Variants in ZBTB20 observed in about 807,000 individuals in gnomAD.
ZBTB20 encodes the protein zinc finger and BTB domain-containing protein 20.
Under a neutral mutation model 56.9 loss-of-function variants are expected in ZBTB20, and 9 were observed. The ratio of observed to expected loss-of-function variants is 0.16; its 90% confidence interval spans 0.10 to 0.28. ZBTB20 has a LOEUF of 0.28. ZBTB20 is among the 10% of genes least tolerant of loss of function. The pLI is 1.00. For synonymous variants in ZBTB20, 417 were observed against 420.7 expected, an observed-to-expected ratio of 0.99 and a Z score of 0.11; for missense variants, 655 against 1,003.0, an observed-to-expected ratio of 0.65 and a Z score of 4.69.
At chr3:114,939,704 T>C (rs1447715748) in intron 3 of ZBTB20, among the ~76,000 whole-genome samples, 1 of 146,114 alleles carries the variant, frequency 6.8e-6, no homozygotes, top group East Asian at 1.9e-4. Context: ...AAGAATACTG[T>C]CTTAATAATT....
In ZBTB20 at chr3:114,350,822, C is replaced by T; in HGVS notation, c.1256G>A (p.Gly419Asp). 1 of 1,613,426 alleles carries T rather than the reference C, an allele frequency of 6.2e-7. No individual in the cohort carries two copies. The highest frequency in any genetic ancestry group is 8.5e-7 in the Non-Finnish European group (1 of 1,180,028). Reference sequence around the variant, plus strand: ...TTCTAGCTGGTTTGTCTGCGGACCACCCTCAGCGGGGGCTTCTGCAGCCTG... The same window carrying T: ...TTCTAGCTGGTTTGTCTGCGGACCATCCTCAGCGGGGGCTTCTGCAGCCTG... Reference protein sequence around the residue: ...PEQAAEAPAEGGPQTNQLETG... With the variant: ...PEQAAEAPAEDGPQTNQLETG... Residue 419 changes from glycine to aspartate, a missense_variant, in exon 11 of 12, where the codon GGT becomes GAT. Coordinates refer to ENST00000675478, the MANE Select transcript of ZBTB20 (RefSeq NM_001348800.3).
chr3:114,861,307 A>C (rs2075515822), intron 4 of ZBTB20, among the ~76,000 whole-genome samples: 1 of 152,138 alleles, frequency 6.6e-6, no homozygotes, highest in South Asian at 2.1e-4. Context: ...ATAAAATTTA[A>C]CTTCTTTGAA....
chr3:114,611,611 T>C (rs1028955963), intron 6 of ZBTB20, among the ~76,000 whole-genome samples: 7 of 152,120 alleles, frequency 4.6e-5, no homozygotes, highest in African/African-American at 1.7e-4. Context: ...ACAGTTACAA[T>C]TACCCAATCC....
chr3:115,123,345 T>A (rs1408892130), intron 1 of ZBTB20, among the ~76,000 whole-genome samples: 1 of 152,218 alleles, frequency 6.6e-6, no homozygotes, highest in African/African-American at 2.4e-5. Context: ...GAAGATGTTC[T>A]AATGTATGAA....
intron 5 of ZBTB20, among the ~76,000 whole-genome samples, chr3:114,793,444 C>T (rs1434907859): frequency 6.6e-6 from 1 of 151,938 alleles, no homozygotes; most frequent in Admixed American, 6.6e-5. Context: ...TGGGCACAGA[C>T]ACAGTAAATC....
intron 5 of ZBTB20, among the ~76,000 whole-genome samples, chr3:114,697,918 G>A (rs1318061033): frequency 6.6e-6 from 1 of 152,028 alleles, no homozygotes; most frequent in Non-Finnish European, 1.5e-5. Context: ...AAATGGTCTT[G>A]AGCTGGTGAC....
chr3:114,444,571 G>GT (rs2091147115), intron 7 of ZBTB20, among the ~76,000 whole-genome samples: 1 of 152,240 alleles, frequency 6.6e-6, no homozygotes, highest in South Asian at 2.1e-4. Flanking sequence ...TCAAGAAAAC[G>GT]TGAGTTAGAA....
At chr3:114,911,259 A>C (rs1377159438) in intron 3 of ZBTB20, among the ~76,000 whole-genome samples, 1 of 152,016 alleles carries the variant, frequency 6.6e-6, no homozygotes, top group Non-Finnish European at 1.5e-5. Flanking sequence ...TGATGGTCCC[A>C]GCTTCAGACA....
intron 6 of ZBTB20, among the ~76,000 whole-genome samples, chr3:114,675,691 C>A (rs2061587849): frequency 6.6e-6 from 1 of 152,064 alleles, no homozygotes; most frequent in African/African-American, 2.4e-5. Flanking sequence ...GTTTTCTTTT[C>A]CCATCATATT....
chr3:114,643,001 T>G (rs2059638072), intron 6 of ZBTB20, among the ~76,000 whole-genome samples: 1 of 152,106 alleles, frequency 6.6e-6, no homozygotes, highest in Non-Finnish European at 1.5e-5. Flanking sequence ...TAGACTTTAG[T>G]TGACTTAAGC....
chr3:114,507,538 G>A (rs990026287), intron 6 of ZBTB20, among the ~76,000 whole-genome samples: 2 of 152,094 alleles, frequency 1.3e-5, no homozygotes, highest in African/African-American at 4.8e-5. Context: ...AAACCGTCCA[G>A]TGCAGAATTT....
intron 7 of ZBTB20, among the ~76,000 whole-genome samples, chr3:114,462,668 T>A (rs923393103): frequency 1.3e-5 from 2 of 152,214 alleles, no homozygotes; most frequent in African/African-American, 4.8e-5. Flanking sequence ...TGATCAGGAC[T>A]GAGATCTTTT....
intron 3 of ZBTB20, among the ~76,000 whole-genome samples, chr3:114,913,395 T>A (rs977415801): frequency 6.6e-6 from 1 of 152,078 alleles, no homozygotes; most frequent in African/African-American, 2.4e-5. Context: ...GTGAGAAAAG[T>A]CTATTCAAAT....
chr3:114,389,292 T>C (rs2085530456), intron 7 of ZBTB20, among the ~76,000 whole-genome samples, 187 bp from the exon 8 acceptor site: 1 of 151,996 alleles, frequency 6.6e-6, no homozygotes, highest in African/African-American at 2.4e-5. Context: ...CAGGCTCCAT[T>C]TTCAGTGCTT....
intron 11 of ZBTB20, among the ~76,000 whole-genome samples, chr3:114,346,003 T>A (rs1238281995): frequency 6.6e-6 from 1 of 152,230 alleles, no homozygotes; most frequent in Admixed American, 6.5e-5. Context: ...CCCTTAACTC[T>A]TAGTTTCCTT....
chr3:114,711,090 C>T (rs1052376101), intron 5 of ZBTB20, among the ~76,000 whole-genome samples: 2 of 152,138 alleles, frequency 1.3e-5, no homozygotes, highest in African/African-American at 4.8e-5. Context: ...GAGACCTTTC[C>T]TACTTACCCT....
intron 6 of ZBTB20, among the ~76,000 whole-genome samples, chr3:114,554,317 A>G (rs1195958586): frequency 6.6e-6 from 1 of 152,184 alleles, no homozygotes; most frequent in Non-Finnish European, 1.5e-5. Context: ...AGATGAGGTA[A>G]TATATAATCT....
intron 3 of ZBTB20, among the ~76,000 whole-genome samples, chr3:114,928,311 T>G (rs1014086494): frequency 6.6e-6 from 1 of 150,978 alleles, no homozygotes; most frequent in Non-Finnish European, 1.5e-5. Context: ...AGCCTCAAGG[T>G]TCTTCAATGA....
rs561627599 is a variant in ZBTB20, at chr3:114,601,243, A to C, written c.-295+92285T>G. Among the ~76,000 whole-genome samples the C allele has an allele frequency of 7.2e-5, 11 of 152,202 alleles. No individual in the cohort carries two copies. In the East Asian group the frequency reaches 2.1e-3, roughly 29 times the overall value. On this transcript the variant is annotated intron_variant, in intron 6 of 11. Transcript: ENST00000675478. ...CCTTATGATATAGCTTGAACACATC[A>C]GCTCAGAAGTACTCTTCATAAATTC... is the stretch of plus-strand genomic sequence containing the variant.
Sources: gnomAD v4.1 joint callset for allele counts (sites outside exome capture counted in the v4.1 genomes callset) on GRCh38, gnomAD v4.1.1 for gene constraint, MANE v1.5 for transcripts, NCBI Gene and HGNC (gene_info 2026-07-23, HGNC 2026-07-21) for gene names.